ALG6: variants seen among roughly 807,000 people sequenced by gnomAD.
The protein encoded by ALG6 is ALG6 alpha-1,3-glucosyltransferase, also known as dolichyl pyrophosphate Man9GlcNAc2 alpha-1,3-glucosyltransferase.
Under a neutral mutation model 66.6 loss-of-function variants are expected in ALG6, and 46 were observed. That is an observed-to-expected ratio of 0.69 (90% CI 0.55 to 0.88). The LOEUF is 0.88. Among genes scored for constraint, ALG6 ranks in the 40% least tolerant of loss-of-function variants. The pLI, the probability that ALG6 is intolerant of heterozygous loss-of-function variation, is 0.00. For missense variants in ALG6, 505 were observed against 586.8 expected (o/e 0.86, Z 1.44); for synonymous variants, 185 against 203.7 (o/e 0.91, Z 0.78).
In ALG6 at chr1:63,437,509, T is replaced by A. The variant is rs999005989; in HGVS notation, c.*489T>A. The A allele has an allele frequency of 6.3e-6, 1 of 157,532 alleles. No individual in the cohort carries two copies. Among genetic ancestry groups the A allele is most frequent in the Non-Finnish European group, 1.4e-5 (1 of 71,502 alleles). 9.8% of individuals were successfully genotyped at this position (157,532 alleles called of 1,614,324 possible). On this transcript the variant is annotated 3_prime_UTR_variant, in exon 15 of 15. Transcript: ENST00000263440. ...TGCAAGTAGTGTGTATTTCACTGTT[T>A]AGAAGTCATATCTTAGGGAATTAAA...
Position 63,402,362 on chromosome 1 carries a change from A to T in ALG6, c.257+19A>T, listed in dbSNP as rs1644469040. 6.5e-7 allele frequency: 1 copy of T among 1,548,082 alleles called. No individual in the cohort carries two copies. Among genetic ancestry groups the T allele is most frequent in the Admixed American group, 1.7e-5 (1 of 59,756 alleles). On this transcript the variant is annotated intron_variant, in intron 4 of 14. Coordinates refer to ENST00000263440, the MANE Select transcript of ALG6 (RefSeq NM_013339.4). ...CATATGTGTAAGTTTTTCTTTCTTA[A>T]TGTAACTCTAAATTTTTATGCCCTT...
Position 63,436,920 on chromosome 1 carries a change from G to A in ALG6, c.1424G>A (p.Cys475Tyr). ...CCGGACTTGTTTTCTGTATTGGTGTGTTTTGTATCTTGCTTGAACTTCCTG... is the reference window on the plus strand; with the variant it reads ...CCGGACTTGTTTTCTGTATTGGTGTATTTTGTATCTTGCTTGAACTTCCTG... ...KLPDLFSVLV[C>Y]FVSCLNFLFF... is the part of the protein sequence containing the mutation. The change falls in exon 15 of 15, where the codon TGT (cysteine) becomes TAT (tyrosine). Residue 475 changes from cysteine (C) to tyrosine (Y), a missense_variant. Cys to Tyr is a radical substitution (Grantham distance 194). Coordinates refer to ENST00000263440, the MANE Select transcript of ALG6 (RefSeq NM_013339.4). The A allele has an allele frequency of 6.2e-7, 1 of 1,613,816 alleles. No homozygotes were observed. Among genetic ancestry groups the A allele is most frequent in the Non-Finnish European group, 8.5e-7 (1 of 1,179,810 alleles).
intron 14 of ALG6, among the ~76,000 whole-genome samples, chr1:63,431,153 G>T (rs969489129): frequency 6.6e-6 from 1 of 152,054 alleles, no homozygotes; most frequent in Non-Finnish European, 1.5e-5. Context: ...AAATGTAAGG[G>T]TTTATTTCTG....
At chr1:63,420,860 C>CA (rs59787354) in intron 12 of ALG6, among the ~76,000 whole-genome samples, 20,533 of 125,616 alleles carry the variant, frequency 0.16, 1,645 homozygotes, top group South Asian at 0.24. Context: ...GACTCTGTCT[C>CA]AAAAAAAAAA....
chr1:63,410,669 T>C (rs1644511426), intron 7 of ALG6, among the ~76,000 whole-genome samples: 1 of 152,228 alleles, frequency 6.6e-6, no homozygotes, highest in Admixed American at 6.5e-5. Flanking sequence ...AATTGTGATA[T>C]TGTTTTAATT....
At chr1:63,393,817 G>A (rs549912830) in intron 2 of ALG6, among the ~76,000 whole-genome samples, 1 of 152,142 alleles carries the variant, frequency 6.6e-6, no homozygotes, top group East Asian at 1.9e-4. Flanking sequence ...GAACTTAAAC[G>A]TCCTTGCTGT....
intron 2 of ALG6, among the ~76,000 whole-genome samples, chr1:63,373,217 G>C (rs1289949221): frequency 2.0e-5 from 3 of 151,542 alleles, no homozygotes; most frequent in Non-Finnish European, 2.9e-5. Context: ...ATGTTGCCCA[G>C]GCTGGTCTTG....
intron 11 of ALG6, among the ~76,000 whole-genome samples, chr1:63,418,494 G>C (rs1418449039): frequency 6.6e-6 from 1 of 152,030 alleles, no homozygotes; most frequent in Non-Finnish European, 1.5e-5. Flanking sequence ...GCTGTAAAAT[G>C]AGTGAGGGAG....
chr1:63,405,641 G>A (rs566684730), intron 5 of ALG6, among the ~76,000 whole-genome samples: 1 of 152,194 alleles, frequency 6.6e-6, no homozygotes, highest in East Asian at 1.9e-4. Flanking sequence ...TGTGGCATCT[G>A]GAGCTGAACA....
chr1:63,415,382 T>C (rs1053043211), intron 10 of ALG6, among the ~76,000 whole-genome samples: 1 of 152,206 alleles, frequency 6.6e-6, no homozygotes, highest in African/African-American at 2.4e-5. Context: ...AGTAGCTTCC[T>C]GCTCCCTTTC....
chr1:63,414,550 G>A (rs1644532672), intron 10 of ALG6, among the ~76,000 whole-genome samples: 3 of 152,084 alleles, frequency 2.0e-5, no homozygotes, highest in South Asian at 4.1e-4. Context: ...GCACCCAGCC[G>A]AGGTGTTTTT....
intron 14 of ALG6, among the ~76,000 whole-genome samples, chr1:63,435,357 G>A (rs1257992732): frequency 6.6e-6 from 1 of 152,124 alleles, no homozygotes; most frequent in Non-Finnish European, 1.5e-5. Context: ...TTCCCACTAA[G>A]GTTGCCTCAG....
rs200581422 is a variant in ALG6 at position 63,405,717 on chromosome 1, TATA to T, written c.347-598_347-596del. ...ACCTTTTTCTTGACACTAAGTGAGA[TATA>T]AGAAAAAAATAAGCTCTTTAGACAG... On this transcript the variant is annotated intron_variant, in intron 5 of 14. Transcript: ENST00000263440. 2.8e-4 allele frequency among the ~76,000 whole-genome samples: 42 copies of T among 152,186 alleles called. No homozygotes were observed. The East Asian group carries it at 6.4e-3, about 23-fold the overall frequency.
In ALG6 at chr1:63,402,339, T is replaced by C; in HGVS notation, c.253T>C (p.Tyr85His). 6.2e-7 allele frequency: 1 copy of C among 1,604,604 alleles called. No individual in the cohort carries two copies. ...AGCTTATCATAGTCTCCTATGTGCA[T>C]ATGTGTAAGTTTTTCTTTCTTAATG... is the stretch of plus-strand genomic sequence containing the variant. ...LTAYHSLLCA[Y>H]VAKFINPDWI... Residue 85 changes from tyrosine to histidine, a missense_variant, in exon 4 of 15, where the codon TAT (tyrosine) becomes CAT (histidine). Transcript: ENST00000263440.
chr1:63,416,997 A>T (rs1361216854), intron 11 of ALG6, among the ~76,000 whole-genome samples: 2 of 152,228 alleles, frequency 1.3e-5, no homozygotes, highest in Admixed American at 1.3e-4. Context: ...ACAGCGAAAT[A>T]CTTCAAAAGT....
intron 7 of ALG6, among the ~76,000 whole-genome samples, chr1:63,408,469 G>A (rs1466909978): frequency 6.6e-6 from 1 of 152,142 alleles, no homozygotes; most frequent in Non-Finnish European, 1.5e-5. Flanking sequence ...GGGCCATGAC[G>A]AATAATGCTG....
At chr1:63,381,991 T>C (rs1451680619) in intron 2 of ALG6, among the ~76,000 whole-genome samples, 1 of 152,140 alleles carries the variant, frequency 6.6e-6, no homozygotes, top group African/African-American at 2.4e-5. Context: ...TCCTCCCACC[T>C]AGCCTCCCAA....
At chr1:63,394,876 T>C (rs1188040376) in intron 2 of ALG6, among the ~76,000 whole-genome samples, 5 of 151,598 alleles carry the variant, frequency 3.3e-5, no homozygotes, top group Admixed American at 3.3e-4. Flanking sequence ...TTTTCTTTTT[T>C]TTTTTTTTGG....
intron 2 of ALG6, among the ~76,000 whole-genome samples, chr1:63,382,720 G>A (rs1270275469): frequency 7.2e-6 from 1 of 139,828 alleles, no homozygotes; most frequent in East Asian, 2.2e-4. Context: ...CTGTCGCCCA[G>A]GCTGGAGTGC....
Sources: allele counts gnomAD v4.1 joint callset (sites outside exome capture counted in the v4.1 genomes callset), GRCh38; gene constraint gnomAD v4.1.1; transcripts MANE v1.5; gene names NCBI Gene and HGNC (gene_info 2026-07-23, HGNC 2026-07-21).